The following MEI4 variants were observed in gnomAD, a reference collection of about 807,000 sequenced individuals.
The protein encoded by MEI4 is meiotic double-stranded break formation protein 4, also known as meiosis-specific protein MEI4.
A neutral mutation model predicts 31.4 loss-of-function variants in MEI4; 27 were observed. The observed-to-expected ratio is 0.86, with a 90% CI of 0.63 to 1.19. MEI4 has a LOEUF of 1.19. Ranked by LOEUF, MEI4 falls within the 50% of genes most tolerant of loss-of-function variation. The pLI, the probability that MEI4 is intolerant of heterozygous loss-of-function variation, is 0.00. For missense variants in MEI4, 329 were observed against 398.9 expected (o/e 0.82, Z 1.49); for synonymous variants, 122 against 145.4 (o/e 0.84, Z 1.16).
At chr6:77,711,602 G>A (rs556049221) in intron 2 of MEI4, among the ~76,000 whole-genome samples, 1 of 152,300 alleles carries the variant, frequency 6.6e-6, no homozygotes, top group Admixed American at 6.5e-5. Context: ...GTGTCTCTGT[G>A]CATATTGGGA....
chr6:77,769,661 C>T (rs1202974987), intron 3 of MEI4, among the ~76,000 whole-genome samples: 1 of 152,006 alleles, frequency 6.6e-6, no homozygotes, highest in African/African-American at 2.4e-5. Context: ...CCAGCCCATC[C>T]ACAGTAGAAT....
At chr6:77,653,488 T>C (rs1768334596) in intron 1 of MEI4, among the ~76,000 whole-genome samples, 1 of 152,334 alleles carries the variant, frequency 6.6e-6, no homozygotes, top group East Asian at 1.9e-4. Flanking sequence ...CATCCACTCA[T>C]ATATCTTCAG....
chr6:77,742,321 T>A (rs1382858525), intron 2 of MEI4, among the ~76,000 whole-genome samples: 1 of 151,850 alleles, frequency 6.6e-6, no homozygotes, highest in Non-Finnish European at 1.5e-5. Flanking sequence ...TTCTAACTGG[T>A]GTGAGATGGT....
chr6:77,840,642 G>C (rs1770335579), intron 4 of MEI4, among the ~76,000 whole-genome samples: 1 of 151,604 alleles, frequency 6.6e-6, no homozygotes, highest in East Asian at 1.9e-4. Flanking sequence ...TTTTATTTTA[G>C]ATTCATGGGG....
At chr6:77,856,105 T>A (rs891317098) in intron 4 of MEI4, among the ~76,000 whole-genome samples, 1 of 152,134 alleles carries the variant, frequency 6.6e-6, no homozygotes, top group Non-Finnish European at 1.5e-5. Context: ...CCTACTTACA[T>A]CCTTTCTCTG....
At chr6:77,826,747 T>C (rs549119373) in intron 3 of MEI4, among the ~76,000 whole-genome samples, 13 of 152,288 alleles carry the variant, frequency 8.5e-5, no homozygotes, top group Non-Finnish European at 1.2e-4. Context: ...GGGGCAGTGT[T>C]GATCCTTTCA....
chr6:77,740,853 A>G (rs944010958), intron 2 of MEI4, among the ~76,000 whole-genome samples: 1 of 152,048 alleles, frequency 6.6e-6, no homozygotes, highest in African/African-American at 2.4e-5. Context: ...ACCACCAATT[A>G]TGTAGGAGAG....
chr6:77,767,002 A>T (rs1264332517), intron 3 of MEI4, among the ~76,000 whole-genome samples: 1 of 151,786 alleles, frequency 6.6e-6, no homozygotes, highest in African/African-American at 2.4e-5. Flanking sequence ...TTACTTAACC[A>T]CTCTGCTTTG....
intron 4 of MEI4, among the ~76,000 whole-genome samples, chr6:77,916,913 T>TCC (rs70974694): frequency 2.4e-4 from 32 of 133,042 alleles, no homozygotes; most frequent in Non-Finnish European, 3.8e-4. Flanking sequence ...ATGCTATCCC[T>TCC]CCCCCCCTAC....
intron 2 of MEI4, among the ~76,000 whole-genome samples, chr6:77,758,156 A>G (rs1258542567): frequency 1.3e-4 from 1 of 7,954 alleles, no homozygotes; most frequent in Admixed American, 2.0e-3. Context: ...TCCATCTCAC[A>G]AAAAAAAAAA....
intron 4 of MEI4, among the ~76,000 whole-genome samples, chr6:77,863,319 G>A (rs529757704): frequency 5.5e-4 from 83 of 152,084 alleles, no homozygotes; most frequent in African/African-American, 1.9e-3. Context: ...CCATGGCAAG[G>A]AAGTTAAAAA....
intron 4 of MEI4, among the ~76,000 whole-genome samples, chr6:77,843,170 C>A (rs1033013897): frequency 1.3e-5 from 2 of 151,510 alleles, no homozygotes; most frequent in Non-Finnish European, 1.5e-5. Flanking sequence ...AAGAAGCATT[C>A]TCTAAATTAT....
chr6:77,800,590 C>T (rs1228433939), intron 3 of MEI4, among the ~76,000 whole-genome samples: 1 of 152,150 alleles, frequency 6.6e-6, no homozygotes, highest in African/African-American at 2.4e-5. Context: ...GGGAATGCTT[C>T]CAGTTTTTGC....
chr6:77,786,415 A>G (rs1768737466), intron 3 of MEI4, among the ~76,000 whole-genome samples: 1 of 152,254 alleles, frequency 6.6e-6, no homozygotes, highest in African/African-American at 2.4e-5. Flanking sequence ...CTAAGTGGGG[A>G]TCATGTATGT....
At chr6:77,769,647 G>T (rs1768260549) in intron 3 of MEI4, among the ~76,000 whole-genome samples, 1 of 151,962 alleles carries the variant, frequency 6.6e-6, no homozygotes, top group Non-Finnish European at 1.5e-5. Flanking sequence ...TTGCAACTTG[G>T]ATTCCAGCCC....
intron 1 of MEI4, among the ~76,000 whole-genome samples, chr6:77,676,847 A>G (rs779749652): frequency 6.6e-6 from 1 of 152,180 alleles, no homozygotes; most frequent in Non-Finnish European, 1.5e-5. Flanking sequence ...AAAGCAAGAA[A>G]TATATCTAAT....
chr6:77,844,926 C>G (rs1770445548), intron 4 of MEI4, among the ~76,000 whole-genome samples: 2 of 152,114 alleles, frequency 1.3e-5, no homozygotes, highest in Admixed American at 6.6e-5. Context: ...TAGTTGTGAA[C>G]TGCATTCTCA....
intron 4 of MEI4, among the ~76,000 whole-genome samples, chr6:77,849,165 A>G (rs1770556510): frequency 6.6e-6 from 1 of 152,170 alleles, no homozygotes; most frequent in South Asian, 2.1e-4. Context: ...ATATTAACCT[A>G]AAAATAATTG....
intron 4 of MEI4, among the ~76,000 whole-genome samples, chr6:77,837,808 CTG>C (rs1386046716): frequency 2.0e-5 from 3 of 152,064 alleles, no homozygotes; most frequent in African/African-American, 7.2e-5. Flanking sequence ...TTTTAAGGAA[CTG>C]TTAATTTTTA....
Sources: allele counts gnomAD v4.1 joint callset (sites outside exome capture counted in the v4.1 genomes callset), GRCh38; gene constraint gnomAD v4.1.1; transcripts MANE v1.5; gene names NCBI Gene and HGNC (gene_info 2026-07-23, HGNC 2026-07-21).